The following RAD51C variants were observed in gnomAD, a reference collection of about 807,000 sequenced individuals.
RAD51C encodes RAD51 paralog C.
Under a neutral mutation model 45.0 loss-of-function variants are expected in RAD51C, and 42 were observed. The observed-to-expected ratio is 0.93, with a 90% CI of 0.73 to 1.21. The LOEUF (loss-of-function observed/expected upper bound fraction) is 1.21. Among genes scored for constraint, RAD51C ranks in the 50% most tolerant of loss-of-function variants. RAD51C has a pLI of 0.00. For missense variants in RAD51C, 474 were observed against 452.2 expected, an observed-to-expected ratio of 1.05 and a Z score of -0.44; for synonymous variants, 172 against 159.8, an observed-to-expected ratio of 1.08 and a Z score of -0.58.
chr17:58,719,309 C>A (rs2143920054), intron 5 of RAD51C, among the ~76,000 whole-genome samples: 1 of 152,006 alleles, frequency 6.6e-6, no homozygotes, highest in South Asian at 2.1e-4. Flanking sequence ...ACCTCCTGGG[C>A]TCAACCAATT....
At chr17:58,693,951 C>T (rs922732696) in intron 1 of RAD51C, 8 of 152,200 alleles carry the variant, frequency 5.3e-5, no homozygotes, top group African/African-American at 1.9e-4. Context: ...CTTATCAGAT[C>T]AAGCACTGAT....
rs201529791 is a variant in RAD51C at position 58,703,280 on chromosome 17, T to C, written c.656T>C (p.Leu219Ser). Residue 219 changes from leucine to serine, a missense_variant, in exon 4 of 9, where the codon TTA becomes TCA. Physicochemically the swap from Leu to Ser is moderately radical, Grantham distance 145. Transcript: ENST00000337432. The stretch of plus-strand genomic sequence containing the variant: ...TTTCGCTGTCGTGACTACACAGAGT[T>C]ACTGGCACAAGTTTATCTTCTTCCA... ...YYFRCRDYTE[L>S]LAQVYLLPDF... 5.0e-6 allele frequency: 8 copies of C among 1,610,498 alleles called. No homozygotes were observed. Among genetic ancestry groups the C allele is most frequent in the Admixed American group, 3.3e-5 (2 of 60,002 alleles).
At position 58,710,330 on chromosome 17, in the gene RAD51C, A is replaced by C. The variant is rs375024015; in HGVS notation, c.837+340A>C. Among the ~76,000 whole-genome samples the C allele has an allele frequency of 2.2e-4, 33 of 150,610 alleles. No individual in the cohort carries two copies. The East Asian group carries it at 6.2e-3, about 28-fold the overall frequency. Reference sequence around the variant, plus strand: ...CCCTGTCTCTACTAAAAAAAAAAAAAAAAAAAAAAAACCAAAAATTAGCCC... The same window carrying C: ...CCCTGTCTCTACTAAAAAAAAAAAACAAAAAAAAAAACCAAAAATTAGCCC... On this transcript the variant is annotated intron_variant, in intron 5 of 8. Transcript: ENST00000337432.
intron 4 of RAD51C, among the ~76,000 whole-genome samples, chr17:58,705,353 G>C (rs868594700): frequency 1.3e-5 from 2 of 150,632 alleles, no homozygotes; most frequent in Non-Finnish European, 3.0e-5. Context: ...TTGGGGGGGG[G>C]GTGGAGTTTC....
At chr17:58,723,704 C>CA (rs879528364) in intron 6 of RAD51C, among the ~76,000 whole-genome samples, 161 of 133,230 alleles carry the variant, frequency 1.2e-3, no homozygotes, top group Admixed American at 2.1e-3. Flanking sequence ...CTGTTGATGT[C>CA]AAAAAAAAAA....
At chr17:58,725,926 AG>A (rs1021309224) in intron 7 of RAD51C, among the ~76,000 whole-genome samples, 1 of 145,594 alleles carries the variant, frequency 6.9e-6, no homozygotes, top group Non-Finnish European at 1.5e-5. Context: ...CAGGAGGCGG[AG>A]GTTGCAGTGA....
At chr17:58,694,635 C>A (rs555201989) in intron 1 of RAD51C, 1 of 374,838 alleles carries the variant, frequency 2.7e-6, no homozygotes, top group Admixed American at 3.8e-5. Flanking sequence ...CCACCATGCC[C>A]GGCTAATTTT....
chr17:58,735,532 C>G lies in RAD51C; in HGVS notation c.*1310C>G, dbSNP rs1377387855. On this transcript the variant is annotated 3_prime_UTR_variant, in exon 9 of 9. Transcript: ENST00000337432. Reference sequence around the variant, plus strand: ...ATTTTGAAACACGGTATGATCCATTCTAGAATTCTAGTTGTTATGTTGACA... The same window carrying G: ...ATTTTGAAACACGGTATGATCCATTGTAGAATTCTAGTTGTTATGTTGACA... 1.3e-5 allele frequency: 2 copies of G among 152,068 alleles called. No individual in the cohort carries two copies. Among genetic ancestry groups the G allele is most frequent in the Non-Finnish European group, 2.9e-5 (2 of 67,990 alleles). 9.4% of individuals were successfully genotyped at this position (152,068 alleles called of 1,614,324 possible).
At chr17:58,693,876 T>C (rs2047894943) in intron 1 of RAD51C, 1 of 152,206 alleles carries the variant, frequency 6.6e-6, no homozygotes. Flanking sequence ...CTTGATAGGA[T>C]TTTCATTTCC....
upstream of RAD51C, chr17:58,692,595 C>T (rs765425309): frequency 1.2e-6 from 2 of 1,611,244 alleles, no homozygotes; most frequent in Non-Finnish European, 1.7e-6. Context: ...CACGCCCCAG[C>T]GAGGGCGTGC....
Position 58,700,319 on chromosome 17 carries a change from T to A in RAD51C, c.572-2877T>A, listed in dbSNP as rs1282563092. 3 of 151,922 alleles carry A rather than the reference T, an allele frequency of 2.0e-5. No homozygotes were observed. The South Asian group carries it at 6.2e-4, about 32-fold the overall frequency. The allele number at this position is 151,922 out of a possible 1,614,324, so 9.4% of individuals were successfully genotyped here. A position where few individuals can be genotyped will look rare whatever the true frequency, so the allele number is the denominator to read the frequency against. ...CCTAAGAGGGTGGCAGGAAAAGGAG[T>A]TTTTCTTCCCTTATACCTTAAAGCT... On this transcript the variant is annotated intron_variant, in intron 3 of 8. Transcript: ENST00000337432.
chr17:58,708,210 T>C (rs304282), intron 4 of RAD51C, among the ~76,000 whole-genome samples: 39,112 of 151,930 alleles, frequency 0.26, 5,657 homozygotes, highest in Middle Eastern at 0.43. Flanking sequence ...GTCTTTATAA[T>C]GCCACTTTTT....
At chr17:58,702,177 G>A (rs2048233879) in intron 3 of RAD51C, among the ~76,000 whole-genome samples, 1 of 151,550 alleles carries the variant, frequency 6.6e-6, no homozygotes, top group African/African-American at 2.4e-5. Context: ...TGTATTTTTT[G>A]CAGAGATGGG....
In RAD51C at chr17:58,695,031, C is replaced by G. The variant is rs1555593602; in HGVS notation, c.246C>G (p.His82Gln). The stretch of plus-strand genomic sequence containing the variant: ...GATATGCTGGTACATCTGAGTCACA[C>G]AAGAAGTGTACAGCACTGGAACTTC... ...KPRYAGTSESHKKCTALELLE... is the reference protein window; with the variant it reads ...KPRYAGTSESQKKCTALELLE... Residue 82 changes from histidine (H) to glutamine (Q), a missense_variant, in exon 2 of 9, where the codon CAC (histidine) becomes CAG (glutamine). By Grantham distance (24) the His-to-Gln change is conservative. Coordinates refer to ENST00000337432, the MANE Select transcript of RAD51C (RefSeq NM_058216.3). 5 of 1,614,070 alleles carry G rather than the reference C, an allele frequency of 3.1e-6. No homozygotes were observed. The highest frequency in any genetic ancestry group is 4.2e-6 in the Non-Finnish European group (5 of 1,179,992).
At chr17:58,705,517 A>G (rs1415096599) in intron 4 of RAD51C, among the ~76,000 whole-genome samples, 1 of 152,064 alleles carries the variant, frequency 6.6e-6, no homozygotes, top group African/African-American at 2.4e-5. Context: ...TATTTTTAGT[A>G]GAGACAGGGT....
At chr17:58,693,860 C>G (rs2047893533) in intron 1 of RAD51C, 1 of 152,236 alleles carries the variant, frequency 6.6e-6, no homozygotes, top group African/African-American at 2.4e-5. Flanking sequence ...TTCCAGCATT[C>G]AGGCTCTTGA....
At chr17:58,720,435 A>T (rs1302089140) in intron 5 of RAD51C, among the ~76,000 whole-genome samples, 1 of 151,894 alleles carries the variant, frequency 6.6e-6, no homozygotes, top group Non-Finnish European at 1.5e-5. Context: ...AATAAAATAA[A>T]AAATAAAATC....
At chr17:58,699,147 C>T (rs886746487) in intron 3 of RAD51C, among the ~76,000 whole-genome samples, 1 of 151,698 alleles carries the variant, frequency 6.6e-6, no homozygotes, top group Middle Eastern at 3.4e-3. Flanking sequence ...GCTGGGACTA[C>T]GGGCATGTGC....
intron 1 of RAD51C, chr17:58,693,058 G>A (rs1354355241): frequency 1.5e-5 from 7 of 479,102 alleles, no homozygotes; most frequent in African/African-American, 3.9e-5. Flanking sequence ...CCCTCAACCC[G>A]CTTACGTAGA....
Sources: gnomAD v4.1 joint callset for allele counts (sites outside exome capture counted in the v4.1 genomes callset) on GRCh38, gnomAD v4.1.1 for gene constraint, MANE v1.5 for transcripts, NCBI Gene and HGNC (gene_info 2026-07-23, HGNC 2026-07-21) for gene names.